The following GRIN2B variants were observed in gnomAD, a reference collection of about 807,000 sequenced individuals.
The protein encoded by GRIN2B is glutamate receptor ionotropic, NMDA 2B.
Under a neutral mutation model 114.5 loss-of-function variants are expected in GRIN2B, and 5 were observed. The ratio of observed to expected loss-of-function variants is 0.04; its 90% confidence interval spans 0.02 to 0.09. The LOEUF is 0.09. Among genes scored for constraint, GRIN2B ranks in the 10% least tolerant of loss-of-function variants. GRIN2B has a pLI of 1.00. For missense variants in GRIN2B, 1,108 were observed against 1,943.5 expected, an observed-to-expected ratio of 0.57 and a Z score of 8.08; for synonymous variants, 787 against 745.1, an observed-to-expected ratio of 1.06 and a Z score of -0.92.
At chr12:13,902,283 G>A (rs57581830) in intron 2 of GRIN2B, among the ~76,000 whole-genome samples, 4,905 of 151,940 alleles carry the variant, frequency 0.032, 290 homozygotes, top group African/African-American at 0.11. Flanking sequence ...AAAATCTGCC[G>A]CATATTAATT....
intron 10 of GRIN2B, among the ~76,000 whole-genome samples, chr12:13,580,431 G>T (rs775795528): frequency 2.1e-4 from 32 of 152,184 alleles, no homozygotes; most frequent in Non-Finnish European, 4.1e-4. Flanking sequence ...GGGGGCTTTT[G>T]TCTTCAAAGC....
chr12:13,572,364 A>G (rs1013499785), intron 10 of GRIN2B, among the ~76,000 whole-genome samples: 2 of 152,162 alleles, frequency 1.3e-5, no homozygotes, highest in Non-Finnish European at 2.9e-5. Flanking sequence ...CAGGCCTCTT[A>G]AAGGCCTAAA....
At chr12:13,907,288 C>T (rs769803647) in intron 2 of GRIN2B, among the ~76,000 whole-genome samples, 37 of 152,086 alleles carry the variant, frequency 2.4e-4, no homozygotes, top group Middle Eastern at 3.4e-3. Flanking sequence ...GTCCACAGTT[C>T]GAGACCAGTC....
At position 13,764,502 on chromosome 12, in the gene GRIN2B, T is replaced by C. The variant is rs573235195; in HGVS notation, c.412-10587A>G. On this transcript the variant is annotated intron_variant, in intron 3 of 13. Transcript: ENST00000609686. ...CCATCCTCCCCTGTGGGACCTTGGG[T>C]AGCTGAAATGCTGTTGCTATCTCAA... 3.7e-4 allele frequency among the ~76,000 whole-genome samples: 56 copies of C among 152,310 alleles called. 1 individual carries two copies. Among genetic ancestry groups the C allele is most frequent in the African/African-American group, 1.3e-3 (52 of 41,562 alleles).
At chr12:13,620,436 G>A (rs1949499571) in intron 5 of GRIN2B, among the ~76,000 whole-genome samples, 1 of 152,084 alleles carries the variant, frequency 6.6e-6, no homozygotes, top group Non-Finnish European at 1.5e-5. Context: ...CCGTGAAGTT[G>A]GCAAACACTA....
intron 5 of GRIN2B, among the ~76,000 whole-genome samples, chr12:13,661,151 C>T (rs1237955176): frequency 6.6e-6 from 1 of 152,174 alleles, no homozygotes; most frequent in African/African-American, 2.4e-5. Flanking sequence ...TGAAGCCTTC[C>T]TTTCTTTGCT....
At chr12:13,717,849 T>G (rs1950470769) in intron 4 of GRIN2B, among the ~76,000 whole-genome samples, 1 of 151,942 alleles carries the variant, frequency 6.6e-6, no homozygotes, top group South Asian at 2.1e-4. Flanking sequence ...TTTCTGTTTG[T>G]CTACTGAGGT....
intron 5 of GRIN2B, among the ~76,000 whole-genome samples, chr12:13,653,590 A>G (rs1004317013): frequency 4.6e-5 from 7 of 152,040 alleles, no homozygotes; most frequent in Admixed American, 4.6e-4. Flanking sequence ...TTAAACAGAA[A>G]AAAAGGAGGA....
intron 4 of GRIN2B, among the ~76,000 whole-genome samples, chr12:13,680,922 G>C (rs961843752): frequency 6.6e-6 from 1 of 152,118 alleles, no homozygotes; most frequent in African/African-American, 2.4e-5. Flanking sequence ...TCAGAATCCT[G>C]ATGGGCTCAG....
chr12:13,752,951 C>T (rs1363991613), intron 4 of GRIN2B, among the ~76,000 whole-genome samples: 1 of 152,200 alleles, frequency 6.6e-6, no homozygotes, highest in Non-Finnish European at 1.5e-5. Flanking sequence ...CAACTCCAAA[C>T]TGACCACTCA....
chr12:13,868,357 G>T (rs1292643900), intron 2 of GRIN2B, among the ~76,000 whole-genome samples: 2 of 151,922 alleles, frequency 1.3e-5, no homozygotes, highest in East Asian at 3.9e-4. Context: ...CCTCCTCCCA[G>T]AACTTAAAGG....
At chr12:13,799,708 A>G (rs901852288) in intron 3 of GRIN2B, among the ~76,000 whole-genome samples, 3 of 151,402 alleles carry the variant, frequency 2.0e-5, no homozygotes, top group Admixed American at 1.3e-4. Flanking sequence ...AGAGGGGGGG[A>G]AAGGAGGAGC....
chr12:13,913,809 T>C (rs906246935), intron 2 of GRIN2B, among the ~76,000 whole-genome samples: 1 of 152,166 alleles, frequency 6.6e-6, no homozygotes, highest in Non-Finnish European at 1.5e-5. Flanking sequence ...ACCACTTTCT[T>C]GCTGTGTGAC....
At chr12:13,901,950 A>T (rs758364880) in intron 2 of GRIN2B, among the ~76,000 whole-genome samples, 18 of 152,252 alleles carry the variant, frequency 1.2e-4, no homozygotes, top group Non-Finnish European at 2.6e-4. Context: ...ATTAGTTATT[A>T]AAAAGTCTAT....
chr12:13,715,822 A>G (rs1950450532), intron 4 of GRIN2B, among the ~76,000 whole-genome samples: 1 of 151,960 alleles, frequency 6.6e-6, no homozygotes, highest in Non-Finnish European at 1.5e-5. Flanking sequence ...ATGTCATAAG[A>G]GCAAGTCCTT....
At chr12:13,665,130 A>G (rs1949960662) in intron 5 of GRIN2B, among the ~76,000 whole-genome samples, 1 of 140,752 alleles carries the variant, frequency 7.1e-6, no homozygotes, top group Non-Finnish European at 1.5e-5. Flanking sequence ...AACTGAAAAG[A>G]GAGGGTGTGT....
At chr12:13,739,411 G>GA (rs1491389331) in intron 4 of GRIN2B, among the ~76,000 whole-genome samples, 35 of 96,526 alleles carry the variant, frequency 3.6e-4, no homozygotes, top group South Asian at 7.2e-4. Context: ...AAGAAGAAAA[G>GA]GAAAAAAAAA....
intron 2 of GRIN2B, among the ~76,000 whole-genome samples, chr12:13,904,560 C>T (rs186034040): frequency 6.6e-6 from 1 of 152,154 alleles, no homozygotes; most frequent in East Asian, 1.9e-4. Context: ...ATTTTCTACT[C>T]CACTTGCTCT....
intron 3 of GRIN2B, among the ~76,000 whole-genome samples, chr12:13,816,623 T>C (rs1864828057): frequency 6.6e-6 from 1 of 152,174 alleles, no homozygotes. Context: ...TGTGACTCTG[T>C]GCCTCCAGGC....
Sources: allele counts gnomAD v4.1 joint callset (sites outside exome capture counted in the v4.1 genomes callset), GRCh38; gene constraint gnomAD v4.1.1; transcripts MANE v1.5; gene names NCBI Gene and HGNC (gene_info 2026-07-23, HGNC 2026-07-21).